The following FSTL4 variants were observed in gnomAD, a reference collection of about 807,000 sequenced individuals.
The protein encoded by FSTL4 is follistatin like 4, also known as follistatin-related protein 4.
In FSTL4, 28 loss-of-function variants were observed where a neutral mutation model predicts 78.2. That is an observed-to-expected ratio of 0.36 (90% CI 0.27 to 0.49). FSTL4 has a LOEUF of 0.49. Ranked by LOEUF, FSTL4 falls within the 20% of genes least tolerant of loss-of-function variation. The pLI is 0.98. For synonymous variants in FSTL4, 422 were observed against 440.5 expected (o/e 0.96, Z 0.53); for missense variants, 922 against 1,084.9 (o/e 0.85, Z 2.11).
At chr5:133,727,606 G>C in the FSTL4 span, among the ~76,000 whole-genome samples, 1 of 152,200 alleles carries the variant, frequency 6.6e-6, no homozygotes, top group Non-Finnish European at 1.5e-5. Flanking sequence ...AGCCTCTTCA[G>C]GGTCAAAGGA....
chr5:133,227,973 T>C (rs2126797540), intron 8 of FSTL4, among the ~76,000 whole-genome samples: 2 of 152,366 alleles, frequency 1.3e-5, no homozygotes, highest in Admixed American at 1.3e-4. Flanking sequence ...ATGCCTATTA[T>C]CTCAGCACTT....
chr5:133,285,907 T>C (rs900699908), intron 6 of FSTL4, among the ~76,000 whole-genome samples: 1 of 152,194 alleles, frequency 6.6e-6, no homozygotes, highest in African/African-American at 2.4e-5. Flanking sequence ...ACTCTCAGGG[T>C]TGACCACTTG....
At chr5:133,399,079 T>A (rs965043801) in intron 4 of FSTL4, among the ~76,000 whole-genome samples, 8 of 152,176 alleles carry the variant, frequency 5.3e-5, no homozygotes, top group Non-Finnish European at 1.2e-4. Context: ...ATGAGAAATG[T>A]TGTTTGAATA....
At chr5:133,491,041 C>T (rs1019062745) in intron 3 of FSTL4, among the ~76,000 whole-genome samples, 3 of 152,068 alleles carry the variant, frequency 2.0e-5, no homozygotes, top group African/African-American at 7.2e-5. Context: ...ATCTGTACAC[C>T]AAAACCCTGC....
chr5:133,567,293 C>T, intron 2 of FSTL4, 74 bp from the exon 3 acceptor site: 1 of 1,048,368 alleles, frequency 9.5e-7, no homozygotes, highest in East Asian at 2.4e-5. Context: ...TATCTCCTCT[C>T]TTGTTAGTCA....
intron 3 of FSTL4, among the ~76,000 whole-genome samples, chr5:133,498,113 G>A (rs1481533631): frequency 6.6e-6 from 1 of 152,146 alleles, no homozygotes; most frequent in Non-Finnish European, 1.5e-5. Flanking sequence ...ACTGGGAGTT[G>A]GAGCAGTGGG....
chr5:133,698,486 T>C, the FSTL4 span, among the ~76,000 whole-genome samples: 1 of 152,362 alleles, frequency 6.6e-6, no homozygotes, highest in Middle Eastern at 3.4e-3. Flanking sequence ...TCAGCCTCCA[T>C]TTGCTCTTCT....
intron 3 of FSTL4, among the ~76,000 whole-genome samples, chr5:133,540,246 T>TACAC: frequency 8.2e-6 from 1 of 122,442 alleles, no homozygotes; most frequent in African/African-American, 3.4e-5. Flanking sequence ...AACACACACA[T>TACAC]ACACACACAC....
intron 4 of FSTL4, among the ~76,000 whole-genome samples, chr5:133,371,425 A>G (rs1755296939): frequency 6.6e-6 from 1 of 152,184 alleles, no homozygotes; most frequent in Admixed American, 6.5e-5. Flanking sequence ...AACTCCCAGG[A>G]TGGGAAAAAG....
intron 4 of FSTL4, among the ~76,000 whole-genome samples, chr5:133,339,398 C>T (rs1399358930): frequency 5.9e-5 from 9 of 152,114 alleles, no homozygotes; most frequent in Admixed American, 3.3e-4. Flanking sequence ...TTAGCTGGCA[C>T]GTGGCTTTCC....
chr5:133,518,582 G>T (rs990545814), intron 3 of FSTL4, among the ~76,000 whole-genome samples: 3 of 151,990 alleles, frequency 2.0e-5, no homozygotes, highest in Non-Finnish European at 4.4e-5. Context: ...TAGTTCTAAA[G>T]ATCTGAAACT....
Position 133,199,544 on chromosome 5 carries a change from T to C in FSTL4, c.2080A>G (p.Thr694Ala). 6.2e-7 allele frequency: 1 copy of C among 1,613,916 alleles called. No homozygotes were observed. Among genetic ancestry groups the C allele is most frequent in the Non-Finnish European group, 8.5e-7 (1 of 1,179,816 alleles). The stretch of plus-strand genomic sequence containing the variant: ...ACTATGAAGCGCCCGTCGGGGGATG[T>C]GTGTGGGGTGCCTGTTACATCACCA... The part of the protein sequence containing the change: ...PNGDVTGTPH[T>A]SPDGRFIVSA... The change falls in exon 16 of 16, where the codon ACA (threonine) becomes GCA (alanine). Residue 694 changes from threonine (T) to alanine (A), a missense_variant. Coordinates refer to ENST00000265342, the MANE Select transcript of FSTL4 (RefSeq NM_015082.2). The surrounding 1 kb of genome is among the most constrained non-coding windows in gnomAD (Gnocchi z 4.4).
intron 3 of FSTL4, among the ~76,000 whole-genome samples, chr5:133,548,932 T>C (rs1007713595): frequency 2.6e-5 from 4 of 152,182 alleles, no homozygotes; most frequent in African/African-American, 7.2e-5. Flanking sequence ...TCTTAGCATA[T>C]TAAAGATATT....
chr5:133,375,291 C>CATAT (rs3975738), intron 4 of FSTL4, among the ~76,000 whole-genome samples: 657 of 57,920 alleles, frequency 0.011, 77 homozygotes, highest in African/African-American at 0.023. Context: ...GTGTGCATGG[C>CATAT]ATATATATAT....
the FSTL4 span, among the ~76,000 whole-genome samples, chr5:133,830,734 T>C: frequency 1.3e-5 from 2 of 152,282 alleles, no homozygotes; most frequent in African/African-American, 4.8e-5. Context: ...CTCTGCCTCA[T>C]TTAGGGGAGT....
Position 133,400,888 on chromosome 5 carries a change from A to T in FSTL4, c.259T>A (p.Cys87Ser), listed in dbSNP as rs200009490. ...GGCCTGCATGCCTCCAGGCACTGGC[A>T]TTCGGGCTCCCCTGTCTTCCTGCTG... ...VLSRKTGEPE[C>S]QCLEACRPSY... Residue 87 changes from cysteine (C) to serine (S), a missense_variant, in exon 4 of 16, where the codon TGC becomes AGC. Transcript: ENST00000265342. 7.4e-6 allele frequency: 12 copies of T among 1,613,738 alleles called. No individual in the cohort carries two copies. The highest frequency in any genetic ancestry group is 8.5e-6 in the Non-Finnish European group (10 of 1,180,036).
the FSTL4 span, among the ~76,000 whole-genome samples, chr5:133,771,154 T>G: frequency 1.3e-5 from 2 of 152,100 alleles, no homozygotes; most frequent in African/African-American, 4.8e-5. Flanking sequence ...AGTCAGACAA[T>G]ATGTTGCCTT....
intron 14 of FSTL4, among the ~76,000 whole-genome samples, chr5:133,204,834 C>CAAAAAAAA (rs33932730): frequency 7.7e-6 from 1 of 129,074 alleles, no homozygotes. Context: ...GATTCTGTCT[C>CAAAAAAAA]AAAAAAAAAA....
intron 4 of FSTL4, among the ~76,000 whole-genome samples, chr5:133,329,659 C>G (rs1467712115): frequency 6.6e-6 from 1 of 152,156 alleles, no homozygotes; most frequent in Non-Finnish European, 1.5e-5. Flanking sequence ...TGGAAGCTGA[C>G]TAGATTGTGC....
Sources: allele counts gnomAD v4.1 joint callset (sites outside exome capture counted in the v4.1 genomes callset), GRCh38; gene constraint gnomAD v4.1.1; non-coding constraint Gnocchi (gnomAD v3.1); transcripts MANE v1.5; gene names NCBI Gene and HGNC (gene_info 2026-07-23, HGNC 2026-07-21).